BPIFA1: variants seen among roughly 807,000 people sequenced by gnomAD.
BPIFA1 encodes BPI fold containing family A member 1, also known as BPI fold-containing family A member 1.
Under a neutral mutation model 25.1 loss-of-function variants are expected in BPIFA1, and 24 were observed. The ratio of observed to expected loss-of-function variants is 0.96; its 90% confidence interval spans 0.69 to 1.35. The LOEUF is 1.35. BPIFA1 is among the 40% of genes most tolerant of loss of function. BPIFA1 has a pLI of 0.00. For missense variants in BPIFA1, 344 were observed against 303.7 expected (o/e 1.13, Z -0.99); for synonymous variants, 139 against 131.8 (o/e 1.05, Z -0.37).
chr20:33,237,990 G>T lies in BPIFA1; in HGVS notation c.161-65G>T. 1.9e-6 allele frequency: 3 copies of T among 1,560,796 alleles called. No homozygotes were observed. The South Asian group carries it at 3.7e-5, about 19-fold the overall frequency. On this transcript the variant is annotated intron_variant, in intron 2 of 8. Coordinates refer to ENST00000354297, the MANE Select transcript of BPIFA1 (RefSeq NM_130852.3). Reference sequence around the variant, plus strand: ...GTGGGGAGGGACAGGGCTGGATGGGGGAGGGGGCCTGAGGATCTGGAATTG... The same window carrying T: ...GTGGGGAGGGACAGGGCTGGATGGGTGAGGGGGCCTGAGGATCTGGAATTG...
chr20:33,240,327 C>G lies in BPIFA1; in HGVS notation c.523C>G (p.Leu175Val). 6.2e-7 allele frequency: 1 copy of G among 1,614,126 alleles called. No individual in the cohort carries two copies. The highest frequency in any genetic ancestry group is 8.5e-7 in the Non-Finnish European group (1 of 1,180,012). ...AVRDKQERIH[L>V]VLGDCTHSPG... Reference sequence around the variant, plus strand: ...GAGAGATAAGCAGGAGAGGATCCACCTGGTCCTTGGTGACTGCACCCATTC... The same window carrying G: ...GAGAGATAAGCAGGAGAGGATCCACGTGGTCCTTGGTGACTGCACCCATTC... The change falls in exon 5 of 9, where the codon CTG (leucine) becomes GTG (valine). Residue 175 changes from leucine to valine, a missense_variant. Physicochemically the swap from Leu to Val is conservative, Grantham distance 32. Coordinates refer to ENST00000354297, the MANE Select transcript of BPIFA1 (RefSeq NM_130852.3).
chr20:33,239,930 G>C lies in BPIFA1; in HGVS notation c.428+20G>C. ...GAATACGTGAGTGGGTCCCAAGAGG[G>C]GGTGAGAGGATGGCTCACCGAGGGA... On this transcript the variant is annotated intron_variant, in intron 4 of 8. Transcript: ENST00000354297. 1.9e-6 allele frequency: 3 copies of C among 1,603,878 alleles called. No individual in the cohort carries two copies. The highest frequency in any genetic ancestry group is 2.6e-6 in the Non-Finnish European group (3 of 1,170,722).
At position 33,238,044 on chromosome 20, in the gene BPIFA1, C is replaced by T; in HGVS notation, c.161-11C>T. 2 of 1,611,112 alleles carry T rather than the reference C, an allele frequency of 1.2e-6. No homozygotes were observed. Among genetic ancestry groups the T allele is most frequent in the Non-Finnish European group, 8.5e-7 (1 of 1,178,744 alleles). ...GATCTGACCCCCAGAGACCCTTACACCCATTTCCAGCCCTCAGCAATGGCC... is the reference window on the plus strand; with the variant it reads ...GATCTGACCCCCAGAGACCCTTACATCCATTTCCAGCCCTCAGCAATGGCC... On this transcript the variant is annotated splice_polypyrimidine_tract_variant and intron_variant, in intron 2 of 8. Transcript: ENST00000354297.
intron 8 of BPIFA1, 67 bp downstream of exon 8, chr20:33,242,628 C>T (rs1007847547): frequency 6.9e-5 from 83 of 1,195,130 alleles, no homozygotes; most frequent in Admixed American, 1.8e-4. Context: ...AGAAGGCAGA[C>T]GGGAGCTTGG....
chr20:33,242,814 C>T (rs534701311), intron 8 of BPIFA1, among the ~76,000 whole-genome samples: 1 of 152,282 alleles, frequency 6.6e-6, no homozygotes, highest in African/African-American at 2.4e-5. Flanking sequence ...CAGATGCACA[C>T]ACTCTCACAC....
At chr20:33,240,589 T>G (rs1978917934) in intron 5 of BPIFA1, among the ~76,000 whole-genome samples, 1 of 149,120 alleles carries the variant, frequency 6.7e-6, no homozygotes, top group Non-Finnish European at 1.5e-5. Flanking sequence ...GACAGATGGT[T>G]AGATGGTTGG....
rs1282730843 is a variant in BPIFA1 at position 33,240,240 on chromosome 20, G to A, written c.436G>A (p.Val146Ile). 18 of 1,613,964 alleles carry A rather than the reference G, an allele frequency of 1.1e-5. No individual in the cohort carries two copies. The highest frequency in any genetic ancestry group is 1.4e-5 in the Non-Finnish European group (17 of 1,179,970). Reference protein sequence around the residue: ...GIKLQVNTPLVGASLLRLAVK... With the variant: ...GIKLQVNTPLIGASLLRLAVK... ...GGGCTGTCTCCTTTGCAGGCCCCTG[G>A]TCGGTGCAAGTCTGTTGAGGCTGGC... The change falls in exon 5 of 9, where the codon GTC becomes ATC. Residue 146 changes from valine to isoleucine, a missense_variant. Transcript: ENST00000354297.
intron 7 of BPIFA1, 60 bp downstream of exon 7, chr20:33,242,179 G>A (rs1233480240): frequency 3.2e-6 from 5 of 1,564,276 alleles, no homozygotes; most frequent in Non-Finnish European, 4.4e-6. Context: ...TTCCCCCAAG[G>A]AGTTTTTTCC....
rs553128122 is a variant in BPIFA1 at position 33,237,598 on chromosome 20, T to C, written c.-15-99T>C. 1.1e-5 allele frequency: 11 copies of C among 1,022,746 alleles called. No homozygotes were observed. The East Asian group carries it at 3.0e-4, about 27-fold the overall frequency. The allele number at this position is 1,022,746 out of a possible 1,614,324, so 63.4% of individuals were successfully genotyped here. ...TATTACTAGTGACCCCCTGGTGTTC[T>C]GGGGAGCAAACAACCCCACCCCCCA... On this transcript the variant is annotated intron_variant, in intron 1 of 8. Transcript: ENST00000354297.
In BPIFA1 at chr20:33,237,834, C is replaced by T. The variant is rs779148150; in HGVS notation, c.123C>T (p.Pro41=). The T allele has an allele frequency of 1.8e-5, 28 of 1,595,906 alleles. No individual in the cohort carries two copies. The East Asian group carries it at 4.9e-4, about 28-fold the overall frequency. The change falls in exon 2 of 9, where the codon CCC becomes CCT. Residue 41 remains proline (P), a synonymous_variant. Transcript: ENST00000354297. The part of the protein sequence containing the change: ...TLPLNVNPAL[P]LSPTGLAGSL... ...CCTTGAATGTGAATCCAGCCCTGCCCTTGAGTCCCACAGGTCTTGCAGGAA... is the reference window on the plus strand; with the variant it reads ...CCTTGAATGTGAATCCAGCCCTGCCTTTGAGTCCCACAGGTCTTGCAGGAA...
intron 4 of BPIFA1, 120 bp from the exon 5 acceptor site, chr20:33,240,113 A>G: frequency 1.4e-6 from 2 of 1,480,828 alleles, no homozygotes; most frequent in Non-Finnish European, 9.2e-7. Flanking sequence ...AGAAAATGAG[A>G]TAAGTACAAC....
In BPIFA1 at chr20:33,240,039, T is replaced by C. The variant is rs114381669; in HGVS notation, c.428+129T>C. 1.8e-3 allele frequency: 2,426 copies of C among 1,324,764 alleles called. 29 individuals are homozygous for C. In the African/African-American group the frequency reaches 0.028, roughly 15 times the overall value. The allele number at this position is 1,324,764 out of a possible 1,614,324, so 82.1% of individuals were successfully genotyped here. A position where few individuals can be genotyped will look rare whatever the true frequency, so the allele number is the denominator to read the frequency against. On this transcript the variant is annotated intron_variant, in intron 4 of 8. Coordinates refer to ENST00000354297, the MANE Select transcript of BPIFA1 (RefSeq NM_130852.3). ...TCCAACTTCAGCTCATTTGCTGCTA[T>C]GCTAAGTGGCCTTGGGTCACTTGGG...
intron 8 of BPIFA1, among the ~76,000 whole-genome samples, 159 bp downstream of exon 8, chr20:33,242,720 A>G (rs1004471405): frequency 8.5e-5 from 13 of 152,192 alleles, no homozygotes; most frequent in Admixed American, 3.3e-4. Context: ...AAAAGCTGAC[A>G]GAGGTGGAAG....
At chr20:33,239,704 G>C in intron 3 of BPIFA1, 99 bp from the exon 4 acceptor site, 1 of 1,195,914 alleles carries the variant, frequency 8.4e-7, no homozygotes. Context: ...TGGGTGGGAA[G>C]CTCTACCTCT....
intron 7 of BPIFA1, among the ~76,000 whole-genome samples, 154 bp from the exon 8 acceptor site, chr20:33,242,333 G>A (rs564937810): frequency 6.6e-6 from 1 of 152,280 alleles, no homozygotes; most frequent in African/African-American, 2.4e-5. Context: ...TGGGCTGGTT[G>A]GTAGAAGGAG....
At position 33,237,768 on chromosome 20, in the gene BPIFA1, C is replaced by T; in HGVS notation, c.57C>T (p.Ala19=). 1 of 1,584,290 alleles carries T rather than the reference C, an allele frequency of 6.3e-7. No individual in the cohort carries two copies. Among genetic ancestry groups the T allele is most frequent in the Non-Finnish European group, 8.6e-7 (1 of 1,165,136 alleles). Residue 19 remains alanine (A), a synonymous_variant, in exon 2 of 9, where the codon GCC becomes GCT. Coordinates refer to ENST00000354297, the MANE Select transcript of BPIFA1 (RefSeq NM_130852.3). ...ACGGGCTGTTAGCCCAGACCATGGCCCAGTTTGGAGGCCTGCCCGTGCCCC... is the reference window on the plus strand; with the variant it reads ...ACGGGCTGTTAGCCCAGACCATGGCTCAGTTTGGAGGCCTGCCCGTGCCCC... The part of the protein sequence containing the change: ...VFYGLLAQTM[A]QFGGLPVPLD...
At chr20:33,241,190 G>T (rs1978962265) in intron 5 of BPIFA1, among the ~76,000 whole-genome samples, 195 bp from the exon 6 acceptor site, 1 of 152,188 alleles carries the variant, frequency 6.6e-6, no homozygotes, top group African/African-American at 2.4e-5. Flanking sequence ...ACACATACCT[G>T]TGTGTTCACT....
intron 4 of BPIFA1, 118 bp from the exon 5 acceptor site, chr20:33,240,115 A>G: frequency 1.4e-6 from 2 of 1,481,460 alleles, no homozygotes; most frequent in Middle Eastern, 2.5e-4. Context: ...AAAATGAGAT[A>G]AGTACAACTG....
At position 33,240,530 on chromosome 20, in the gene BPIFA1, A is replaced by AGATGGATGGATG. The variant is rs10677320; in HGVS notation, c.581+184_581+195dup. On this transcript the variant is annotated intron_variant, in intron 5 of 8. Transcript: ENST00000354297. ...TGGATGGGAAGGAGGGAGCGTGGAA[A>AGATGGATGGATG]GATGGATGGATGGATGGATGGATGG... The AGATGGATGGATG allele has an allele frequency of 3.4e-3, 2,539 of 749,582 alleles. 8 individuals carry two copies. The highest frequency in any genetic ancestry group is 7.0e-3 in the South Asian group (364 of 52,344). 46.4% of individuals were successfully genotyped at this position (749,582 alleles called of 1,614,324 possible).
Sources: allele counts gnomAD v4.1 joint callset (sites outside exome capture counted in the v4.1 genomes callset), GRCh38; gene constraint gnomAD v4.1.1; transcripts MANE v1.5; gene names NCBI Gene and HGNC (gene_info 2026-07-23, HGNC 2026-07-21).